Variants in BMPR1B observed in about 807,000 individuals in gnomAD.
BMPR1B encodes bone morphogenetic protein receptor type-1B.
A neutral mutation model predicts 59.1 loss-of-function variants in BMPR1B; 12 were observed. The observed-to-expected ratio is 0.20, with a 90% CI of 0.13 to 0.33. The LOEUF (loss-of-function observed/expected upper bound fraction) is 0.33. BMPR1B is among the 10% of genes least tolerant of loss of function. The pLI, the probability that BMPR1B is intolerant of heterozygous loss-of-function variation, is 1.00. For missense variants in BMPR1B, 550 were observed against 610.9 expected, an observed-to-expected ratio of 0.90 and a Z score of 1.05; for synonymous variants, 237 against 207.3, an observed-to-expected ratio of 1.14 and a Z score of -1.23.
intron 6 of BMPR1B, among the ~76,000 whole-genome samples, chr4:95,117,198 T>C (rs1416914527): frequency 1.3e-5 from 2 of 152,144 alleles, no homozygotes; most frequent in South Asian, 4.1e-4. Context: ...AAGTTTAAAA[T>C]TTAAATGGCT....
chr4:94,984,283 C>T (rs890907333), intron 2 of BMPR1B, among the ~76,000 whole-genome samples: 5 of 152,282 alleles, frequency 3.3e-5, no homozygotes, highest in Middle Eastern at 3.4e-3. Context: ...CAGATAGATG[C>T]ATTTTCCAGT....
In BMPR1B at chr4:95,104,682, A is replaced by G. The variant is rs1424361598; in HGVS notation, c.143+115A>G. On this transcript the variant is annotated intron_variant, in intron 4 of 12. Coordinates refer to ENST00000515059, the MANE Select transcript of BMPR1B (RefSeq NM_001203.3). ...ATTTTAGAGAACAATGCCTAACACTATCGTAAACTCTTAGAGCTGTGCTTG... is the reference window on the plus strand; with the variant it reads ...ATTTTAGAGAACAATGCCTAACACTGTCGTAAACTCTTAGAGCTGTGCTTG... 3.9e-6 allele frequency: 5 copies of G among 1,287,996 alleles called. No individual in the cohort carries two copies. The South Asian group carries it at 4.9e-5, about 13-fold the overall frequency. 79.8% of individuals were successfully genotyped at this position (1,287,996 alleles called of 1,614,324 possible). A position where few individuals can be genotyped will look rare whatever the true frequency, so the allele number is the denominator to read the frequency against.
intron 1 of BMPR1B, among the ~76,000 whole-genome samples, chr4:94,814,078 GAA>G (rs1278240755): frequency 6.6e-6 from 1 of 152,130 alleles, no homozygotes; most frequent in Non-Finnish European, 1.5e-5. Flanking sequence ...TTATATTTGA[GAA>G]AAATAGGATT....
intron 1 of BMPR1B, among the ~76,000 whole-genome samples, chr4:94,801,644 T>C (rs1244274284): frequency 6.6e-6 from 1 of 152,216 alleles, no homozygotes; most frequent in African/African-American, 2.4e-5. Flanking sequence ...ATAAAACCCC[T>C]GACACTTTGG....
At position 95,102,423 on chromosome 4, in the gene BMPR1B, C is replaced by A. The variant is rs183674980; in HGVS notation, c.-17-1985C>A. ...CACCCAATACATATTTGGTAGTAGA[C>A]ATTTGCATCATAAATGAATTTTTAT... On this transcript the variant is annotated intron_variant, in intron 3 of 12. Coordinates refer to ENST00000515059, the MANE Select transcript of BMPR1B (RefSeq NM_001203.3). Among the ~76,000 whole-genome samples the A allele has an allele frequency of 2.6e-3, 400 of 152,276 alleles. 1 individual carries two copies. Among genetic ancestry groups the A allele is most frequent in the Non-Finnish European group, 4.1e-3 (279 of 68,014 alleles).
chr4:94,868,227 G>A (rs1726328408), intron 1 of BMPR1B, among the ~76,000 whole-genome samples: 1 of 150,604 alleles, frequency 6.6e-6, no homozygotes, highest in African/African-American at 2.4e-5. Context: ...GGAGTGCAGT[G>A]GGGTGATCTT....
At chr4:94,923,555 C>T (rs962011204) in intron 2 of BMPR1B, among the ~76,000 whole-genome samples, 2 of 152,108 alleles carry the variant, frequency 1.3e-5, no homozygotes, top group African/African-American at 4.8e-5. Context: ...TTTGGCACTT[C>T]CACTTGATAA....
chr4:94,830,347 C>G (rs1724534731), intron 1 of BMPR1B, among the ~76,000 whole-genome samples: 2 of 152,042 alleles, frequency 1.3e-5, no homozygotes, highest in African/African-American at 4.8e-5. Context: ...ATACACTTTG[C>G]TATACTTTGT....
chr4:94,807,519 T>TGC (rs1291432332), intron 1 of BMPR1B, among the ~76,000 whole-genome samples: 1 of 152,136 alleles, frequency 6.6e-6, no homozygotes, highest in Non-Finnish European at 1.5e-5. Context: ...AATTTTAACT[T>TGC]TAAGTAGTGA....
At chr4:95,053,569 T>C (rs1726688032) in intron 3 of BMPR1B, among the ~76,000 whole-genome samples, 2 of 152,130 alleles carry the variant, frequency 1.3e-5, no homozygotes. Context: ...GTCTGGCACA[T>C]AATATTACCT....
intron 1 of BMPR1B, among the ~76,000 whole-genome samples, chr4:94,858,410 C>G (rs994258649): frequency 1.3e-5 from 2 of 152,156 alleles, no homozygotes; most frequent in African/African-American, 4.8e-5. Flanking sequence ...GGCTATAAAA[C>G]TTAGTCATTA....
At chr4:95,124,180 G>C (rs1227769832) in intron 7 of BMPR1B, among the ~76,000 whole-genome samples, 1 of 151,978 alleles carries the variant, frequency 6.6e-6, no homozygotes, top group South Asian at 2.1e-4. Context: ...TCAGAGACTG[G>C]TTGTTACTTA....
intron 8 of BMPR1B, among the ~76,000 whole-genome samples, chr4:95,129,348 C>T (rs1040622245): frequency 2.0e-5 from 3 of 152,044 alleles, no homozygotes; most frequent in African/African-American, 7.2e-5. Flanking sequence ...GTTTATCGTT[C>T]CCTGGTCTGG....
chr4:94,936,813 C>T (rs1432233918), intron 2 of BMPR1B, among the ~76,000 whole-genome samples: 1 of 152,104 alleles, frequency 6.6e-6, no homozygotes, highest in Non-Finnish European at 1.5e-5. Flanking sequence ...TTCATCTGTA[C>T]TTAGGCTTGA....
chr4:94,807,723 C>T (rs985997140), intron 1 of BMPR1B, among the ~76,000 whole-genome samples: 1 of 152,170 alleles, frequency 6.6e-6, no homozygotes, highest in Admixed American at 6.5e-5. Context: ...CTCATTCTGT[C>T]GCCCAGGCTG....
At chr4:94,787,204 A>G (rs1465102818) in intron 1 of BMPR1B, among the ~76,000 whole-genome samples, 1 of 152,096 alleles carries the variant, frequency 6.6e-6, no homozygotes, top group Non-Finnish European at 1.5e-5. Context: ...CAGAATTGAC[A>G]TATACTCCAC....
At chr4:94,993,385 A>C (rs539217693) in intron 2 of BMPR1B, among the ~76,000 whole-genome samples, 2 of 152,154 alleles carry the variant, frequency 1.3e-5, no homozygotes, top group African/African-American at 4.8e-5. Context: ...ATCCATCCCA[A>C]ATGTTATTAT....
At chr4:95,120,821 CT>C (rs1732467773) in intron 6 of BMPR1B, among the ~76,000 whole-genome samples, 1 of 148,468 alleles carries the variant, frequency 6.7e-6, no homozygotes, top group African/African-American at 2.5e-5. Context: ...TCCTTACTTC[CT>C]TTTCAAGATG....
At chr4:95,041,971 C>G (rs964379089) in intron 3 of BMPR1B, among the ~76,000 whole-genome samples, 1 of 152,128 alleles carries the variant, frequency 6.6e-6, no homozygotes, top group Non-Finnish European at 1.5e-5. Flanking sequence ...ATTCTACTGC[C>G]TCAGCCTCCT....
Sources: gnomAD v4.1 joint callset for allele counts (sites outside exome capture counted in the v4.1 genomes callset) on GRCh38, gnomAD v4.1.1 for gene constraint, MANE v1.5 for transcripts, NCBI Gene and HGNC (gene_info 2026-07-23, HGNC 2026-07-21) for gene names.